The following DMXL1 variants were observed in gnomAD, a reference collection of about 807,000 sequenced individuals.
The protein encoded by DMXL1 is dmX-like protein 1.
In DMXL1, 99 loss-of-function variants were observed where a neutral mutation model predicts 319.2. The ratio of observed to expected loss-of-function variants is 0.31; its 90% CI spans 0.26 to 0.37. The LOEUF (loss-of-function observed/expected upper bound fraction) is 0.37. Among genes scored for constraint, DMXL1 ranks in the 10% least tolerant of loss-of-function variants. DMXL1 has a pLI of 1.00. For missense variants in DMXL1, 3,745 were observed against 3,595.6 expected, an observed-to-expected ratio of 1.04 and a Z score of -1.06; for synonymous variants, 1,385 against 1,235.2, an observed-to-expected ratio of 1.12 and a Z score of -2.54.
At chr5:119,215,141 C>T (rs1330012964) in intron 34 of DMXL1, among the ~76,000 whole-genome samples, 1 of 152,160 alleles carries the variant, frequency 6.6e-6, no homozygotes, top group Non-Finnish European at 1.5e-5. Flanking sequence ...CCAGAATGTT[C>T]AGCGAATACT....
chr5:119,143,513 C>A (rs1217114912), intron 13 of DMXL1, among the ~76,000 whole-genome samples: 2 of 151,968 alleles, frequency 1.3e-5, no homozygotes, highest in Non-Finnish European at 2.9e-5. Context: ...CTTCCTATCT[C>A]AAAATTAATG....
intron 14 of DMXL1, 29 bp downstream of exon 14, chr5:119,143,959 A>G (rs754719563): frequency 1.4e-6 from 2 of 1,408,148 alleles, no homozygotes; most frequent in Non-Finnish European, 9.7e-7. Context: ...GGGGAGGTAT[A>G]TTAAAAAAAA....
intron 19 of DMXL1, among the ~76,000 whole-genome samples, chr5:119,162,577 A>G (rs905032712): frequency 1.3e-5 from 2 of 152,160 alleles, no homozygotes; most frequent in Non-Finnish European, 2.9e-5. Flanking sequence ...CCCATTCACG[A>G]GGGCAATGGC....
rs553608558 is a variant in DMXL1, at chr5:119,206,825, T to C, written c.7864-9T>C. On this transcript the variant is annotated splice_polypyrimidine_tract_variant and intron_variant, in intron 33 of 43. Transcript: ENST00000539542. Reference sequence around the variant, plus strand: ...CTCTTTGTCATGTGGTTATTCTTTCTTGATGAAGTCATTAGAGGACAACAG... The same window carrying C: ...CTCTTTGTCATGTGGTTATTCTTTCCTGATGAAGTCATTAGAGGACAACAG... 1.1e-5 allele frequency: 17 copies of C among 1,505,742 alleles called. No homozygotes were observed. The highest frequency in any genetic ancestry group is 6.9e-5 in the African/African-American group (5 of 72,108). The allele number at this position is 1,505,742 out of a possible 1,614,324, so 93.3% of individuals were successfully genotyped here.
intron 5 of DMXL1, among the ~76,000 whole-genome samples, chr5:119,111,416 A>G (rs1370095015): frequency 2.0e-5 from 3 of 152,200 alleles, no homozygotes; most frequent in Non-Finnish European, 2.9e-5. Context: ...ATGTTTTTAT[A>G]TATTAGGTTA....
chr5:119,088,559 C>T (rs1753881354), intron 1 of DMXL1, among the ~76,000 whole-genome samples: 1 of 152,102 alleles, frequency 6.6e-6, no homozygotes, highest in Admixed American at 6.5e-5. Flanking sequence ...TTTTTCTAGT[C>T]CTCTCTTCCT....
intron 32 of DMXL1, among the ~76,000 whole-genome samples, chr5:119,202,901 A>ATT (rs1218153697): frequency 6.9e-6 from 1 of 144,774 alleles, no homozygotes; most frequent in Non-Finnish European, 1.5e-5. Flanking sequence ...ATATATATAT[A>ATT]TATATTTATA....
chr5:119,195,062 CAAAAAA>C (rs746257473), intron 30 of DMXL1, among the ~76,000 whole-genome samples: 2 of 139,382 alleles, frequency 1.4e-5, no homozygotes, highest in Non-Finnish European at 1.6e-5. Context: ...GGATGGCTAC[CAAAAAA>C]AAAACAAAAA....
Position 119,189,808 on chromosome 5 carries a change from A to G in DMXL1, c.7236A>G (p.Pro2412=), listed in dbSNP as rs773810843. 5 of 1,614,012 alleles carry G rather than the reference A, an allele frequency of 3.1e-6. No homozygotes were observed. In the African/African-American group the frequency reaches 6.7e-5, roughly 22 times the overall value. The change falls in exon 29 of 44, where the codon CCA becomes CCG. Residue 2412 remains proline (P), a synonymous_variant. Coordinates refer to ENST00000539542, the MANE Select transcript of DMXL1 (RefSeq NM_001290321.3). ...CCCCACTGACCCCTTCCTCGGCACC[A>G]GTAAGCCAGGAGTCACTGGCGGTTA... ...ESAPLTPSSA[P]VSQESLAVKE...
chr5:119,190,576 G>A (rs1778533896), intron 29 of DMXL1, among the ~76,000 whole-genome samples: 1 of 152,180 alleles, frequency 6.6e-6, no homozygotes, highest in African/African-American at 2.4e-5. Flanking sequence ...TTGATCAAAA[G>A]AGGGAAATGG....
At chr5:119,106,464 A>C (rs568099152) in intron 4 of DMXL1, among the ~76,000 whole-genome samples, 15 of 152,344 alleles carry the variant, frequency 9.8e-5, no homozygotes, top group African/African-American at 3.1e-4. Context: ...CAGAGAGAGA[A>C]AGCATAAGAT....
Position 119,170,563 on chromosome 5 carries a change from G to C in DMXL1, c.5772G>C (p.Trp1924Cys). The part of the protein sequence containing the change: ...AREDKSSAVD[W>C]SQSLINGFGS... ...AAGATAAGTCTTCTGCTGTTGATTG[G>C]TCACAGTCACTGATAAATGGTTTTG... The change falls in exon 24 of 44, where the codon TGG becomes TGC. Residue 1924 changes from tryptophan to cysteine, a missense_variant. Trp to Cys is a radical substitution (Grantham distance 215, BLOSUM62 -2). Transcript: ENST00000539542. The C allele has an allele frequency of 1.2e-6, 2 of 1,613,750 alleles. No individual in the cohort carries two copies. The highest frequency in any genetic ancestry group is 1.7e-6 in the Non-Finnish European group (2 of 1,179,884).
chr5:119,109,159 C>G (rs1310152105), intron 4 of DMXL1, among the ~76,000 whole-genome samples: 2 of 152,144 alleles, frequency 1.3e-5, no homozygotes, highest in Admixed American at 6.6e-5. Context: ...GTTGGTTAAC[C>G]ACACACTTAT....
chr5:119,074,199 G>A (rs987582552), intron 1 of DMXL1, among the ~76,000 whole-genome samples: 4 of 152,158 alleles, frequency 2.6e-5, no homozygotes, highest in Non-Finnish European at 5.9e-5. Flanking sequence ...GATTACAGGC[G>A]GGAGCCACTG....
chr5:119,162,353 A>G (rs975149837), intron 19 of DMXL1, among the ~76,000 whole-genome samples: 3 of 152,170 alleles, frequency 2.0e-5, no homozygotes, highest in Non-Finnish European at 4.4e-5. Flanking sequence ...TTCTATAACA[A>G]ATATCTTAGA....
At chr5:119,076,164 T>TGGAGGG (rs1750811927) in intron 1 of DMXL1, among the ~76,000 whole-genome samples, 2 of 152,172 alleles carry the variant, frequency 1.3e-5, no homozygotes, top group African/African-American at 4.8e-5. Context: ...GCAAATATGT[T>TGGAGGG]ATAGCTCCAA....
chr5:119,199,571 G>C (rs1026485429), intron 32 of DMXL1, among the ~76,000 whole-genome samples: 17 of 152,070 alleles, frequency 1.1e-4, no homozygotes, highest in African/African-American at 4.1e-4. Context: ...TATTACCCTA[G>C]GTATATACCC....
In DMXL1 at chr5:119,244,587, T is replaced by C; in HGVS notation, c.8922+11T>C. On this transcript the variant is annotated intron_variant, in intron 43 of 43. Transcript: ENST00000539542. ...GAAGGCAATATAAAGGTAAACACAG[T>C]TGATGCCACAACATCTACAAAATGA... The C allele has an allele frequency of 6.3e-7, 1 of 1,598,810 alleles. No individual in the cohort carries two copies.
chr5:119,167,977 T>C (rs1463987107), intron 23 of DMXL1, 113 bp downstream of exon 23: 2 of 1,009,084 alleles, frequency 2.0e-6, no homozygotes, highest in Non-Finnish European at 2.7e-6. Flanking sequence ...ATTCATGGTC[T>C]TTATAACAGT....
Sources: allele counts gnomAD v4.1 joint callset (sites outside exome capture counted in the v4.1 genomes callset), GRCh38; gene constraint gnomAD v4.1.1; transcripts MANE v1.5; gene names NCBI Gene and HGNC (gene_info 2026-07-23, HGNC 2026-07-21).